Variants in PSD3 observed in about 807,000 individuals in gnomAD.
PSD3 encodes PH and SEC7 domain-containing protein 3.
Under a neutral mutation model 105.5 loss-of-function variants are expected in PSD3, and 49 were observed. The observed-to-expected ratio is 0.46, with a 90% CI of 0.37 to 0.59. PSD3 has a LOEUF of 0.59. Ranked by LOEUF, PSD3 falls within the 20% of genes least tolerant of loss-of-function variation. PSD3 has a pLI of 0.00. For missense variants in PSD3, 1,561 were observed against 1,263.8 expected, an observed-to-expected ratio of 1.24 and a Z score of -3.57; for synonymous variants, 557 against 457.8, an observed-to-expected ratio of 1.22 and a Z score of -2.77.
At chr8:19,061,420 C>T (rs1396897745) in intron 1 of PSD3, among the ~76,000 whole-genome samples, 5 of 152,064 alleles carry the variant, frequency 3.3e-5, no homozygotes, top group African/African-American at 4.8e-5. Flanking sequence ...ACAAGTATGT[C>T]GATTGCAAAT....
Position 18,974,542 on chromosome 8 carries a change from G to T in PSD3, c.22-38400C>A, listed in dbSNP as rs74550310. On this transcript the variant is annotated intron_variant, in intron 1 of 15. Transcript: ENST00000327040. ...TCCTGTGCCATTCGGCAAGAACTCA[G>T]GGAGCCCCACTACGCGCTAGTCCCA... Among the ~76,000 whole-genome samples the T allele has an allele frequency of 3.9e-3, 596 of 152,250 alleles. 25 individuals are homozygous for T. The East Asian group carries it at 0.086, about 22-fold the overall frequency.
chr8:18,868,004 T>C lies in PSD3; in HGVS notation c.1304A>G (p.Glu435Gly), dbSNP rs1034873426. Reference protein sequence around the residue: ...DEDILGPGYTEDSTDVYSSQF... With the variant: ...DEDILGPGYTGDSTDVYSSQF... ...GGAGCTGTACACGTCGGTGGAGTCC[T>C]CCGTATATCCAGGCCCAAGGATGTC... The change falls in exon 4 of 16, where the codon GAG (glutamate) becomes GGG (glycine). Residue 435 changes from glutamate (E) to glycine (G), a missense_variant. Glu to Gly is a moderately conservative substitution (Grantham distance 98, BLOSUM62 -2). Coordinates refer to ENST00000327040, the MANE Select transcript of PSD3 (RefSeq NM_015310.4). The C allele has an allele frequency of 3.7e-6, 6 of 1,614,038 alleles. No homozygotes were observed. The highest frequency in any genetic ancestry group is 3.3e-5 in the Admixed American group (2 of 60,008).
chr8:18,898,074 G>A (rs1224237430), intron 2 of PSD3, among the ~76,000 whole-genome samples: 1 of 152,060 alleles, frequency 6.6e-6, no homozygotes, highest in Non-Finnish European at 1.5e-5. Flanking sequence ...TCTCATATAC[G>A]GCTTTGACTG....
intron 13 of PSD3, among the ~76,000 whole-genome samples, chr8:18,573,728 G>T (rs1421482958): frequency 1.3e-5 from 2 of 152,160 alleles, no homozygotes; most frequent in Non-Finnish European, 2.9e-5. Flanking sequence ...TATATGAAGT[G>T]TCCAGAAAGG....
At chr8:18,575,690 G>A (rs1396996034) in intron 12 of PSD3, among the ~76,000 whole-genome samples, 1 of 152,140 alleles carries the variant, frequency 6.6e-6, no homozygotes, top group African/African-American at 2.4e-5. Context: ...ACAGGTAACT[G>A]TCAACAGAAT....
At chr8:18,671,888 C>T (rs1032049367) in intron 9 of PSD3, among the ~76,000 whole-genome samples, 4 of 152,116 alleles carry the variant, frequency 2.6e-5, no homozygotes, top group Non-Finnish European at 5.9e-5. Flanking sequence ...GCCTTGGCCT[C>T]CCAAAGTGCT....
At chr8:18,556,588 C>T (rs1801090270) in intron 14 of PSD3, among the ~76,000 whole-genome samples, 1 of 152,130 alleles carries the variant, frequency 6.6e-6, no homozygotes, top group African/African-American at 2.4e-5. Flanking sequence ...TGTCATAAAA[C>T]CAAATGGCTT....
intron 8 of PSD3, among the ~76,000 whole-genome samples, chr8:18,767,909 A>G (rs1042615831): frequency 1.3e-5 from 2 of 152,064 alleles, no homozygotes; most frequent in African/African-American, 4.8e-5. Flanking sequence ...AATTCATTTG[A>G]AAGTGAATTC....
chr8:18,869,732 G>C (rs973153007), intron 3 of PSD3, among the ~76,000 whole-genome samples: 1 of 152,068 alleles, frequency 6.6e-6, no homozygotes, highest in South Asian at 2.1e-4. Context: ...AACTAAACTG[G>C]CCTCTTCCCT....
At chr8:18,715,986 C>T (rs906198559) in intron 9 of PSD3, among the ~76,000 whole-genome samples, 8 of 152,252 alleles carry the variant, frequency 5.3e-5, no homozygotes, top group Admixed American at 2.0e-4. Flanking sequence ...ACATTGGTTG[C>T]TTCAGGTTGC....
chr8:19,033,925 A>G (rs540924610), intron 1 of PSD3, among the ~76,000 whole-genome samples: 1 of 152,192 alleles, frequency 6.6e-6, no homozygotes, highest in African/African-American at 2.4e-5. Context: ...AGATTGGTTC[A>G]TTGCCCTCTC....
In PSD3 at chr8:18,745,134, T is replaced by G. The variant is rs145477003; in HGVS notation, c.2172+20315A>C. On this transcript the variant is annotated intron_variant, in intron 9 of 15. Coordinates refer to ENST00000327040, the MANE Select transcript of PSD3 (RefSeq NM_015310.4). ...ACTTGGTTAAGGTGGTATCTTTCACTGTCTACATTGTAAAGTTAGTATTTT... is the reference window on the plus strand; with the variant it reads ...ACTTGGTTAAGGTGGTATCTTTCACGGTCTACATTGTAAAGTTAGTATTTT... 3.1e-3 allele frequency among the ~76,000 whole-genome samples: 470 copies of G among 152,340 alleles called. 4 individuals carry two copies. The highest frequency in any genetic ancestry group is 3.6e-3 in the Non-Finnish European group (244 of 68,036).
chr8:19,007,546 C>A (rs1022490761), intron 1 of PSD3, among the ~76,000 whole-genome samples: 5 of 152,058 alleles, frequency 3.3e-5, no homozygotes, highest in African/African-American at 1.2e-4. Flanking sequence ...CAGGCAGTAA[C>A]TGCATCGATT....
intron 12 of PSD3, among the ~76,000 whole-genome samples, chr8:18,598,907 GAA>G (rs2130559140): frequency 6.6e-6 from 1 of 152,034 alleles, no homozygotes; most frequent in African/African-American, 2.4e-5. Flanking sequence ...ACAAATAAAT[GAA>G]AAGACATTCC....
chr8:18,537,033 C>G (rs750655356), intron 15 of PSD3, among the ~76,000 whole-genome samples: 1 of 152,266 alleles, frequency 6.6e-6, no homozygotes, highest in Non-Finnish European at 1.5e-5. Context: ...GGGTTTTGTA[C>G]GTGTCAGTTT....
In PSD3 at chr8:18,801,858, T is replaced by C. The variant is rs73202105; in HGVS notation, c.1911-476A>G. ...AAAAAAAAAATGTCCACTTAAAAGA[T>C]GACAGGGTGATAACAGAGTGGTCAG... On this transcript the variant is annotated intron_variant, in intron 6 of 15. Transcript: ENST00000327040. Among the ~76,000 whole-genome samples the C allele has an allele frequency of 6.8e-3, 1,034 of 152,038 alleles. 5 individuals are homozygous for C. The highest frequency in any genetic ancestry group is 0.011 in the Non-Finnish European group (731 of 67,966).
At chr8:18,972,435 A>C (rs1346343346) in intron 1 of PSD3, among the ~76,000 whole-genome samples, 1 of 152,232 alleles carries the variant, frequency 6.6e-6, no homozygotes, top group Non-Finnish European at 1.5e-5. Context: ...ATTTTGACTC[A>C]ACATAGCTAA....
At chr8:18,635,742 G>A (rs1807201770) in intron 10 of PSD3, among the ~76,000 whole-genome samples, 1 of 152,074 alleles carries the variant, frequency 6.6e-6, no homozygotes, top group African/African-American at 2.4e-5. Context: ...CAGGGACATG[G>A]ATGAAGCTGG....
intron 9 of PSD3, among the ~76,000 whole-genome samples, chr8:18,673,950 T>C (rs764937003): frequency 4.6e-5 from 7 of 151,888 alleles, no homozygotes; most frequent in Non-Finnish European, 8.8e-5. Context: ...AAGACCAACC[T>C]GGGAAACAAA....
Sources: gnomAD v4.1 joint callset for allele counts (sites outside exome capture counted in the v4.1 genomes callset) on GRCh38, gnomAD v4.1.1 for gene constraint, MANE v1.5 for transcripts, NCBI Gene and HGNC (gene_info 2026-07-23, HGNC 2026-07-21) for gene names.